The following LAMB4 variants were observed in gnomAD, a reference collection of about 807,000 sequenced individuals.
LAMB4 encodes the protein laminin subunit beta-4.
In LAMB4, 196 loss-of-function variants were observed where a neutral mutation model predicts 199.2. The ratio of observed to expected loss-of-function variants is 0.98; its 90% CI spans 0.88 to 1.11. LAMB4 has a LOEUF of 1.11. Among genes scored for constraint, LAMB4 ranks in the 50% least tolerant of loss-of-function variants. The pLI is 0.00. For synonymous variants in LAMB4, 744 were observed against 770.6 expected (o/e 0.97, Z 0.57); for missense variants, 2,080 against 2,171.2 (o/e 0.96, Z 0.83).
intron 13 of LAMB4, 71 bp downstream of exon 13, chr7:108,092,266 T>G: frequency 4.3e-6 from 5 of 1,171,320 alleles, no homozygotes; most frequent in Non-Finnish European, 6.3e-6. Context: ...CCTATGACTA[T>G]GAGCGTATCA....
rs777284005 is a variant in LAMB4 at position 108,058,136 on chromosome 7, C to T, written c.3283-208G>A. Among the ~76,000 whole-genome samples, 21 of 152,110 alleles carry T rather than the reference C, an allele frequency of 1.4e-4. 1 individual carries two copies. Among genetic ancestry groups the T allele is most frequent in the Non-Finnish European group, 2.2e-4 (15 of 68,036 alleles). On this transcript the variant is annotated intron_variant, in intron 23 of 33. Coordinates refer to ENST00000388781, the MANE Select transcript of LAMB4 (RefSeq NM_007356.3). ...TTTGGCCTAAAGCTCCTGAATATAT[C>T]GCCTGCTTCCAGCTGTTCAGGGACA...
rs746192876 is a variant in LAMB4, at chr7:108,055,990, C to T, written c.3397G>A (p.Ala1133Thr). The stretch of plus-strand genomic sequence containing the variant: ...TCACAGATGGGCTTCTGGGTACCTG[C>T]CCTGTTACAATCACATGCTAAAAAG... ...GRCIPCDCNR[A>T]GTQKPICDPD... The change falls in exon 25 of 34, where the codon GCA (alanine) becomes ACA (threonine). Residue 1133 changes from alanine to threonine, a missense_variant. Physicochemically the swap from Ala to Thr is moderately conservative, Grantham distance 58. Transcript: ENST00000388781. 1.9e-6 allele frequency: 3 copies of T among 1,611,384 alleles called. No individual in the cohort carries two copies. The South Asian group carries it at 3.3e-5, about 18-fold the overall frequency.
At chr7:108,110,061 G>A (rs149059069) in intron 4 of LAMB4, among the ~76,000 whole-genome samples, 1 of 152,180 alleles carries the variant, frequency 6.6e-6, no homozygotes, top group Non-Finnish European at 1.5e-5. Context: ...ACAGAGTCTC[G>A]CTCTGTCCCC....
intron 29 of LAMB4, among the ~76,000 whole-genome samples, chr7:108,038,670 T>C (rs2035314910): frequency 6.6e-6 from 1 of 152,202 alleles, no homozygotes; most frequent in Non-Finnish European, 1.5e-5. Flanking sequence ...GTGATTTTAT[T>C]TTTATTTTTA....
chr7:108,098,195 T>G (rs1011454799), intron 11 of LAMB4, among the ~76,000 whole-genome samples: 1 of 151,988 alleles, frequency 6.6e-6, no homozygotes, highest in East Asian at 1.9e-4. Context: ...TATCTGGGCG[T>G]GGTGGTGGTC....
rs761675806 is a variant in LAMB4, at chr7:108,065,908, C to T, written c.2690G>A (p.Gly897Asp). The change falls in exon 21 of 34, where the codon GGT becomes GAT. Residue 897 changes from glycine to aspartate, a missense_variant. Gly to Asp is a moderately conservative substitution (Grantham distance 94). Transcript: ENST00000388781. ...TCCTGAAGAAGGATTTCCATAGTAA[C>T]CATCAATACACCTGTCAAGACAATT... ...TGRNCERCID[G>D]YYGNPSSGQP... The T allele has an allele frequency of 6.2e-7, 1 of 1,613,530 alleles. No homozygotes were observed. Among genetic ancestry groups the T allele is most frequent in the Non-Finnish European group, 8.5e-7 (1 of 1,179,786 alleles).
At chr7:108,052,366 G>A (rs2035853486) in intron 25 of LAMB4, 109 bp from the exon 26 acceptor site, 2 of 767,804 alleles carry the variant, frequency 2.6e-6, no homozygotes, top group Non-Finnish European at 4.0e-6. Context: ...TTGATTAGAA[G>A]GGATTCCTTC....
At chr7:108,041,126 C>A (rs1025348144) in intron 29 of LAMB4, among the ~76,000 whole-genome samples, 8 of 152,084 alleles carry the variant, frequency 5.3e-5, no homozygotes, top group Non-Finnish European at 1.2e-4. Flanking sequence ...ATCCATGGGG[C>A]CAACAAGCAT....
At chr7:108,036,007 T>C (rs1441086631) in intron 30 of LAMB4, among the ~76,000 whole-genome samples, 1 of 151,454 alleles carries the variant, frequency 6.6e-6, no homozygotes, top group African/African-American at 2.4e-5. Flanking sequence ...TACAGGTGCA[T>C]GCCACCACAC....
rs145266740 is a variant in LAMB4, at chr7:108,030,855, G to A, written c.4943C>T (p.Ala1648Val). 1.7e-4 allele frequency: 276 copies of A among 1,614,068 alleles called. No homozygotes were observed. The African/African-American group carries it at 2.2e-3, about 13-fold the overall frequency. ...TTGGGCAGATTCAGCCTGAACTTTC[G>A]CATTGACAGCGTGGTCTTGATGCCT... is the stretch of plus-strand genomic sequence containing the variant. ...LQRHQDHAVN[A>V]KVQAESAQHQ... The change falls in exon 32 of 34, where the codon GCG (alanine) becomes GTG (valine). Residue 1648 changes from alanine (A) to valine (V), a missense_variant. Physicochemically the swap from Ala to Val is moderately conservative, Grantham distance 64. Transcript: ENST00000388781.
downstream of LAMB4, among the ~76,000 whole-genome samples, chr7:108,020,853 C>T (rs1219813170): frequency 1.3e-5 from 2 of 152,124 alleles, no homozygotes; most frequent in African/African-American, 2.4e-5. Flanking sequence ...TACCAATACC[C>T]AGCTATTTCA....
intron 2 of LAMB4, among the ~76,000 whole-genome samples, chr7:108,122,204 A>C (rs1160258963): frequency 5.9e-5 from 9 of 152,210 alleles, no homozygotes; most frequent in Non-Finnish European, 1.2e-4. Flanking sequence ...GCTGGGGAGA[A>C]GGTAGAGTGA....
chr7:108,068,231 A>G (rs567429818), intron 18 of LAMB4, 72 bp from the exon 19 acceptor site: 1 of 1,494,750 alleles, frequency 6.7e-7, no homozygotes, highest in East Asian at 2.3e-5. Context: ...GTTAGTAGCT[A>G]TAGTTCACCT....
intron 14 of LAMB4, among the ~76,000 whole-genome samples, chr7:108,087,799 A>G (rs1472217179): frequency 3.9e-5 from 6 of 152,236 alleles, no homozygotes. Flanking sequence ...AACCCTTCAG[A>G]ACCCAGATTT....
At chr7:108,067,938 C>T in intron 19 of LAMB4, 78 bp downstream of exon 19, 1 of 1,561,244 alleles carries the variant, frequency 6.4e-7, no homozygotes, top group East Asian at 2.2e-5. Flanking sequence ...CCATTAAAAC[C>T]CCCCTCCATG....
At position 108,068,016 on chromosome 7, in the gene LAMB4, G is replaced by A. The variant is rs371403032; in HGVS notation, c.2446C>T (p.Pro816Ser). The A allele has an allele frequency of 4.0e-5, 64 of 1,614,010 alleles. No individual in the cohort carries two copies. In the African/African-American group the frequency reaches 5.9e-4, roughly 15 times the overall value. ...SYDLGHHGCHPCHCHPQGSKD... is the reference protein window; with the variant it reads ...SYDLGHHGCHSCHCHPQGSKD... ...TCCCCTTGTGTGTTTTGCTACGTAC[G>A]GTGACAGCCGTGATGCCCCAAATCA... Residue 816 changes from proline to serine, a missense_variant and splice_region_variant, in exon 19 of 34, where the codon CCA becomes TCA. Pro to Ser is a moderately conservative substitution (Grantham distance 74, BLOSUM62 -1). Coordinates refer to ENST00000388781, the MANE Select transcript of LAMB4 (RefSeq NM_007356.3).
intron 23 of LAMB4, among the ~76,000 whole-genome samples, chr7:108,059,547 T>A (rs1042385838): frequency 5.9e-5 from 9 of 152,160 alleles, no homozygotes; most frequent in Admixed American, 6.5e-5. Context: ...TCTGTCAGTA[T>A]AATGTTTAAA....
At chr7:108,045,450 A>G (rs1990158) in intron 28 of LAMB4, among the ~76,000 whole-genome samples, 45,852 of 152,164 alleles carry the variant, frequency 0.3, 8,190 homozygotes, top group East Asian at 0.5. Context: ...ACACCATTTC[A>G]TCAACATGAC....
chr7:108,126,415 G>C (rs930257051), intron 1 of LAMB4, among the ~76,000 whole-genome samples: 15 of 151,998 alleles, frequency 9.9e-5, no homozygotes, highest in Admixed American at 2.0e-4. Context: ...TCTACTTTCT[G>C]TCTCTATGGA....
Sources: allele counts gnomAD v4.1 joint callset (sites outside exome capture counted in the v4.1 genomes callset), GRCh38; gene constraint gnomAD v4.1.1; transcripts MANE v1.5; gene names NCBI Gene and HGNC (gene_info 2026-07-23, HGNC 2026-07-21).